TRPA1: variants seen among roughly 807,000 people sequenced by gnomAD.
TRPA1 encodes transient receptor potential cation channel subfamily A member 1.
Under a neutral mutation model 131.3 loss-of-function variants are expected in TRPA1, and 129 were observed. The ratio of observed to expected loss-of-function variants is 0.98; its 90% CI spans 0.85 to 1.14. TRPA1 has a LOEUF of 1.14. Ranked by LOEUF, TRPA1 falls within the 50% of genes most tolerant of loss-of-function variation. The pLI, the probability that TRPA1 is intolerant of heterozygous loss-of-function variation, is 0.00. For missense variants in TRPA1, 1,304 were observed against 1,354.2 expected (o/e 0.96, Z 0.58); for synonymous variants, 441 against 451.7 (o/e 0.98, Z 0.30).
the TRPA1 span, among the ~76,000 whole-genome samples, chr8:72,087,929 G>C: frequency 6.6e-6 from 1 of 152,156 alleles, no homozygotes; most frequent in Non-Finnish European, 1.5e-5. Context: ...AGCTCTATGT[G>C]CTTCAGCTCC....
intron 17 of TRPA1, among the ~76,000 whole-genome samples, chr8:72,043,794 A>C (rs1812336418): frequency 6.6e-6 from 1 of 151,878 alleles, no homozygotes; most frequent in South Asian, 2.1e-4. Flanking sequence ...ATTTTGAAAA[A>C]GCCTATACTA....
chr8:72,076,996 T>C (rs1336877905), upstream of TRPA1, among the ~76,000 whole-genome samples: 1 of 152,158 alleles, frequency 6.6e-6, no homozygotes, highest in African/African-American at 2.4e-5. Flanking sequence ...CAGGGTTGGG[T>C]AAAAAGAATA....
chr8:72,067,536 C>T (rs1027832454), intron 3 of TRPA1, among the ~76,000 whole-genome samples: 4 of 152,238 alleles, frequency 2.6e-5, no homozygotes, highest in Middle Eastern at 3.4e-3. Context: ...ATTTGTTGGT[C>T]TGGAGATTTC....
intron 17 of TRPA1, among the ~76,000 whole-genome samples, chr8:72,045,461 A>G (rs1201145729): frequency 6.6e-6 from 1 of 151,342 alleles, no homozygotes; most frequent in Admixed American, 6.6e-5. Context: ...TGGGCTACTG[A>G]GCATTTAAAA....
intron 12 of TRPA1, chr8:72,054,414 A>G (rs7817401): frequency 0.15 from 23,694 of 153,332 alleles, 2,219 homozygotes; most frequent in East Asian, 0.29. Context: ...TGCTTACTCA[A>G]TTGCTTTGAA....
In TRPA1 at chr8:72,052,779, A is replaced by G; in HGVS notation, c.1645-14T>C. The G allele has an allele frequency of 1.9e-6, 3 of 1,612,028 alleles. No homozygotes were observed. The highest frequency in any genetic ancestry group is 1.7e-6 in the Non-Finnish European group (2 of 1,179,654). The stretch of plus-strand genomic sequence containing the variant: ...AAGTGCAGTGTTCTTTTGAAGAAAA[A>G]CAGACACAGAAAACGTGGTGACAGT... On this transcript the variant is annotated splice_polypyrimidine_tract_variant and intron_variant, in intron 13 of 26. Coordinates refer to ENST00000262209, the MANE Select transcript of TRPA1 (RefSeq NM_007332.3).
chr8:72,026,768 T>C (rs1435083999), intron 24 of TRPA1, among the ~76,000 whole-genome samples: 1 of 152,178 alleles, frequency 6.6e-6, no homozygotes, highest in African/African-American at 2.4e-5. Context: ...CCCCTTTGTA[T>C]CTGATGTATA....
At chr8:72,076,078 A>G (rs755954443), upstream of TRPA1, among the ~76,000 whole-genome samples, 1 of 152,198 alleles carries the variant, frequency 6.6e-6, no homozygotes, top group Non-Finnish European at 1.5e-5. Context: ...CGTTTTTAAC[A>G]AAACTTCTCA....
intron 25 of TRPA1, among the ~76,000 whole-genome samples, chr8:72,024,902 A>T (rs1306257824): frequency 1.3e-5 from 2 of 152,158 alleles, no homozygotes; most frequent in Admixed American, 1.3e-4. Flanking sequence ...TTATTATTTT[A>T]TGACTACACA....
chr8:72,052,965 CTGTGTGTGTGTGTGTG>C (rs57129422), intron 13 of TRPA1, 200 bp from the exon 14 acceptor site: 1 of 308,614 alleles, frequency 3.2e-6, no homozygotes, highest in Non-Finnish European at 6.1e-6. Context: ...GGAAGTGGAT[CTGTGTGTGTGTGTGTG>C]TGTGTGTGTG....
chr8:72,053,982 T>A, intron 12 of TRPA1, 115 bp from the exon 13 acceptor site: 1 of 717,976 alleles, frequency 1.4e-6, no homozygotes. Flanking sequence ...ATTATTGAGA[T>A]CTGGCAACTA....
chr8:72,077,051 C>A (rs939053467), upstream of TRPA1, among the ~76,000 whole-genome samples: 1 of 152,092 alleles, frequency 6.6e-6, no homozygotes, highest in African/African-American at 2.4e-5. Context: ...TTCCATATAC[C>A]AGTTTAATGT....
rs1348750282 is a variant in TRPA1, at chr8:72,053,003, GAGAA to G, written c.1645-242_1645-239del. On this transcript the variant is annotated intron_variant, in intron 13 of 26. Transcript: ENST00000262209. ...TGTGTGTGTGTGTGTGTGAGAGATA[GAGAA>G]AGAGAGAGAGAGAGAGAGAGAGAGA... 430 of 312,782 alleles carry G rather than the reference GAGAA, an allele frequency of 1.4e-3. 4 individuals are homozygous for G. The highest frequency in any genetic ancestry group is 1.9e-3 in the Middle Eastern group (2 of 1,028). The allele number at this position is 312,782 out of a possible 1,614,324, so 19.4% of individuals were successfully genotyped here.
intron 1 of TRPA1, 149 bp downstream of exon 1, chr8:72,075,150 T>G (rs1806144051): frequency 1.5e-6 from 1 of 669,966 alleles, no homozygotes; most frequent in Non-Finnish European, 2.7e-6. Flanking sequence ...GGGCGCGTCA[T>G]TAGTAGGGTC....
At chr8:72,059,537 A>T (rs1805756107) in intron 7 of TRPA1, 99 bp from the exon 8 acceptor site, 1 of 717,662 alleles carries the variant, frequency 1.4e-6, no homozygotes, top group South Asian at 2.0e-5. Context: ...AATTTAACTA[A>T]TCATAAAATA....
chr8:72,027,222 A>G (rs891846557), intron 24 of TRPA1, among the ~76,000 whole-genome samples: 3 of 152,166 alleles, frequency 2.0e-5, no homozygotes, highest in African/African-American at 7.2e-5. Flanking sequence ...AATGTTTGCC[A>G]ACAGATAAAA....
intron 1 of TRPA1, among the ~76,000 whole-genome samples, chr8:72,072,687 AT>A (rs1806091956): frequency 6.6e-6 from 1 of 152,154 alleles, no homozygotes; most frequent in Non-Finnish European, 1.5e-5. Flanking sequence ...GTTGGCCTAA[AT>A]CTATTTGGAA....
At chr8:72,078,954 A>T (rs1460658762), upstream of TRPA1, among the ~76,000 whole-genome samples, 1 of 152,012 alleles carries the variant, frequency 6.6e-6, no homozygotes, top group Non-Finnish European at 1.5e-5. Flanking sequence ...GATCATTCTA[A>T]TGGTATATAC....
rs1410094184 is a variant in TRPA1 at position 72,033,695 on chromosome 8, T to C, written c.2817A>G (p.Ala939=). ...CAAATATTGTGAAGGAAACAAGTTG[T>C]GCAAAGGACAGAACTGGATGTGCCA... ...NELAHPVLSF[A]QLVSFTIFVP... Residue 939 remains alanine, a synonymous_variant, in exon 23 of 27, where the codon GCA becomes GCG. Coordinates refer to ENST00000262209, the MANE Select transcript of TRPA1 (RefSeq NM_007332.3). 6.2e-7 allele frequency: 1 copy of C among 1,613,986 alleles called. No individual in the cohort carries two copies. Among genetic ancestry groups the C allele is most frequent in the Non-Finnish European group, 8.5e-7 (1 of 1,179,986 alleles).
Sources: gnomAD v4.1 joint callset for allele counts (sites outside exome capture counted in the v4.1 genomes callset) on GRCh38, gnomAD v4.1.1 for gene constraint, MANE v1.5 for transcripts, NCBI Gene and HGNC (gene_info 2026-07-23, HGNC 2026-07-21) for gene names.